HEATR3: variants seen among roughly 807,000 people sequenced by gnomAD.
HEATR3 encodes HEAT repeat-containing protein 3.
A neutral mutation model predicts 72.8 loss-of-function variants in HEATR3; 56 were observed. The ratio of observed to expected loss-of-function variants is 0.77; its 90% CI spans 0.62 to 0.96. HEATR3 has a LOEUF of 0.96. Ranked by LOEUF, HEATR3 falls within the 40% of genes least tolerant of loss-of-function variation. The probability of loss-of-function intolerance (pLI) is 0.00; values close to 1 mark genes in which losing one functional copy is unlikely to be tolerated. For synonymous variants in HEATR3, 331 were observed against 318.1 expected (o/e 1.04, Z -0.43); for missense variants, 747 against 831.4 (o/e 0.90, Z 1.25).
chr16:50,081,367 T>C (rs1296931798), intron 7 of HEATR3, among the ~76,000 whole-genome samples: 1 of 152,102 alleles, frequency 6.6e-6, no homozygotes, highest in African/African-American at 2.4e-5. Flanking sequence ...ATCACTTGAA[T>C]CTGGGAGGTG....
At chr16:50,098,505 A>G (rs1368739695) in intron 12 of HEATR3, 1 of 152,000 alleles carries the variant, frequency 6.6e-6, no homozygotes, top group Non-Finnish European at 1.5e-5. Flanking sequence ...AAATACAAAA[A>G]ATTAGCCGGG....
Position 50,066,165 on chromosome 16 carries a change from C to T in HEATR3, c.34C>T (p.Pro12Ser). The T allele has an allele frequency of 6.3e-7, 1 of 1,597,064 alleles. No homozygotes were observed. Among genetic ancestry groups the T allele is most frequent in the Non-Finnish European group, 8.5e-7 (1 of 1,173,182 alleles). ...GAGCCGGACGAAGCGCTTCAAGCGA[C>T]CTCAGTTCTCCCCTACGGGCGACTG... ...GKSRTKRFKRPQFSPTGDCQA... is the reference protein window; with the variant it reads ...GKSRTKRFKRSQFSPTGDCQA... Residue 12 changes from proline (P) to serine (S), a missense_variant, in exon 1 of 15, where the codon CCT becomes TCT. Transcript: ENST00000299192.
rs1047867647 is a variant in HEATR3 at position 50,097,923 on chromosome 16, C to CAA, written c.1600-2290_1600-2289dup. On this transcript the variant is annotated intron_variant, in intron 12 of 14. Coordinates refer to ENST00000299192, the MANE Select transcript of HEATR3 (RefSeq NM_182922.4). ...GTGTGACAAGAGTGAAACTCCGTCT[C>CAA]AAAAAAAAAAAAAAAAAACCCTGGA... Among the ~76,000 whole-genome samples, 180 of 74,772 alleles carry CAA rather than the reference C, an allele frequency of 2.4e-3. 2 individuals carry two copies. The highest frequency in any genetic ancestry group is 7.9e-3 in the African/African-American group (167 of 21,052). The allele number at this position is 74,772 out of a possible 152,430, so 49.1% of individuals were successfully genotyped here.
chr16:50,100,698 A>G lies in HEATR3; in HGVS notation c.1743+325A>G, dbSNP rs374274042. On this transcript the variant is annotated intron_variant, in intron 13 of 14. Coordinates refer to ENST00000299192, the MANE Select transcript of HEATR3 (RefSeq NM_182922.4). ...CTGCCTTTGCTGTTGCATCCAATGT[A>G]TGCATGTTACATTCTCCTGCTGATG... 9.2e-5 allele frequency: 28 copies of G among 304,832 alleles called. No homozygotes were observed. In the East Asian group the frequency reaches 2.8e-3, roughly 31 times the overall value. 18.9% of individuals were successfully genotyped at this position (304,832 alleles called of 1,614,324 possible).
At chr16:50,102,959 C>T (rs973723048) in intron 14 of HEATR3, among the ~76,000 whole-genome samples, 1 of 151,984 alleles carries the variant, frequency 6.6e-6, no homozygotes, top group Non-Finnish European at 1.5e-5. Flanking sequence ...AACGGGGATT[C>T]GCCTTGTCAT....
At chr16:50,092,736 C>T (rs2037147555) in intron 11 of HEATR3, among the ~76,000 whole-genome samples, 1 of 101,902 alleles carries the variant, frequency 9.8e-6, no homozygotes, top group South Asian at 3.6e-4. Flanking sequence ...GCCACCGCGC[C>T]CGGCCCAAGG....
intron 11 of HEATR3, among the ~76,000 whole-genome samples, chr16:50,093,579 C>G (rs1158502918): frequency 6.6e-6 from 1 of 152,144 alleles, no homozygotes; most frequent in Non-Finnish European, 1.5e-5. Context: ...CCTGCGCACA[C>G]ATAAAATGAA....
In HEATR3 at chr16:50,084,150, A is replaced by T. The variant is rs1030666598; in HGVS notation, c.1149A>T (p.Glu383Asp). The change falls in exon 9 of 15, where the codon GAA (glutamate) becomes GAT (aspartate). Residue 383 changes from glutamate (E) to aspartate (D), a missense_variant. Glu to Asp is a conservative substitution (Grantham distance 45). Around this residue, in one of 2 missense-constraint regions of HEATR3, gnomAD observed 586 missense variants for 708.8 expected, o/e 0.83. Transcript: ENST00000299192. ...GCTTCCCAGATCCCTCTGATGACGA[A>T]TGGGAAGAGCTTTCTAGCAGTGATG... ...MCCNEDPSDD[E>D]WEELSSSDES... The T allele has an allele frequency of 1.4e-5, 22 of 1,614,046 alleles. No homozygotes were observed. The highest frequency in any genetic ancestry group is 1.7e-5 in the Non-Finnish European group (20 of 1,180,038).
chr16:50,071,750 TTAA>T (rs1468577335), intron 4 of HEATR3, among the ~76,000 whole-genome samples: 1 of 152,220 alleles, frequency 6.6e-6, no homozygotes, highest in Non-Finnish European at 1.5e-5. Context: ...CAGATTTAGT[TTAA>T]TAATTTAGTC....
intron 13 of HEATR3, among the ~76,000 whole-genome samples, chr16:50,101,721 C>T (rs2037369602): frequency 6.6e-6 from 1 of 152,038 alleles, no homozygotes; most frequent in Non-Finnish European, 1.5e-5. Context: ...GTTAGATCTA[C>T]AGACTAGATT....
At position 50,105,881 on chromosome 16, in the gene HEATR3, T is replaced by C. The variant is rs2037477755; in HGVS notation, c.*820T>C. 1 of 152,168 alleles carries C rather than the reference T, an allele frequency of 6.6e-6. No homozygotes were observed. Among genetic ancestry groups the C allele is most frequent in the African/African-American group, 2.4e-5 (1 of 41,428 alleles). The allele number at this position is 152,168 out of a possible 1,614,324, so 9.4% of individuals were successfully genotyped here. ...CCACCGTGCCTGGCCAGAAACTCTT[T>C]TTTAAGTGATGAGATCTGTGTGGCA... On this transcript the variant is annotated 3_prime_UTR_variant, in exon 15 of 15. Transcript: ENST00000299192.
chr16:50,104,913 T>C (rs764199946), intron 14 of HEATR3, 26 bp from the exon 15 acceptor site: 7 of 1,559,272 alleles, frequency 4.5e-6, no homozygotes, highest in South Asian at 1.2e-5. Context: ...CCAAGTCATA[T>C]ATGATTTTTT....
intron 14 of HEATR3, 52 bp from the exon 15 acceptor site, chr16:50,104,887 G>A: frequency 2.7e-6 from 4 of 1,460,858 alleles, no homozygotes; most frequent in Non-Finnish European, 3.7e-6. Context: ...TTATTTAAAT[G>A]AATTAATCAT....
At chr16:50,074,981 CA>C (rs71138029) in intron 5 of HEATR3, 4 of 146,938 alleles carry the variant, frequency 2.7e-5, no homozygotes, top group South Asian at 2.2e-4. Flanking sequence ...GACTCCATCT[CA>C]AAAAAAAAAT....
chr16:50,066,248 G>A lies in HEATR3; in HGVS notation c.117G>A (p.Pro39=). 1 of 1,563,902 alleles carries A rather than the reference G, an allele frequency of 6.4e-7. No homozygotes were observed. The highest frequency in any genetic ancestry group is 8.6e-7 in the Non-Finnish European group (1 of 1,157,194). Residue 39 remains proline, a synonymous_variant, in exon 1 of 15, where the codon CCG becomes CCA. Coordinates refer to ENST00000299192, the MANE Select transcript of HEATR3 (RefSeq NM_182922.4). The part of the protein sequence containing the change: ...NGTGGEEDDG[P]AAELLEKLQH... Reference sequence around the variant, plus strand: ...CCGGAGGCGAGGAGGACGACGGGCCGGCGGCGGAGCTGCTGGAAAAGGTGA... The same window carrying A: ...CCGGAGGCGAGGAGGACGACGGGCCAGCGGCGGAGCTGCTGGAAAAGGTGA...
intron 12 of HEATR3, among the ~76,000 whole-genome samples, chr16:50,099,117 A>C: frequency 6.6e-6 from 1 of 152,050 alleles, no homozygotes. Context: ...TTTTTTGAAG[A>C]GCATAATTTG....
intron 13 of HEATR3, among the ~76,000 whole-genome samples, 186 bp from the exon 14 acceptor site, chr16:50,102,073 A>G (rs1017900178): frequency 6.6e-6 from 1 of 152,212 alleles, no homozygotes; most frequent in African/African-American, 2.4e-5. Flanking sequence ...ATAAACTATA[A>G]TATGTTTAAT....
chr16:50,070,336 G>C, intron 4 of HEATR3, 46 bp downstream of exon 4: 1 of 954,362 alleles, frequency 1.0e-6, no homozygotes, highest in Non-Finnish European at 1.7e-6. Context: ...CAGTACCCAG[G>C]CTGCTATTCT....
intron 13 of HEATR3, 148 bp downstream of exon 13, chr16:50,100,521 C>A: frequency 1.4e-6 from 1 of 719,464 alleles, no homozygotes; most frequent in Non-Finnish European, 2.3e-6. Flanking sequence ...AGAATATACC[C>A]TTTGGCTTGA....
Sources: gnomAD v4.1 joint callset for allele counts (sites outside exome capture counted in the v4.1 genomes callset) on GRCh38, gnomAD v4.1.1 for gene constraint, gnomAD v4.1.1 regional missense constraint, MANE v1.5 for transcripts, NCBI Gene and HGNC (gene_info 2026-07-23, HGNC 2026-07-21) for gene names.